Variants in GRM4 observed in about 807,000 individuals in gnomAD.
The protein encoded by GRM4 is metabotropic glutamate receptor 4.
A neutral mutation model predicts 81.7 loss-of-function variants in GRM4; 28 were observed. That is an observed-to-expected ratio of 0.34 (90% CI 0.25 to 0.47). The LOEUF (loss-of-function observed/expected upper bound fraction) is 0.47. Ranked by LOEUF, GRM4 falls within the 20% of genes least tolerant of loss-of-function variation. The probability of loss-of-function intolerance (pLI) is 1.00; values close to 1 mark genes in which losing one functional copy is unlikely to be tolerated. For missense variants in GRM4, 948 were observed against 1,290.0 expected, an observed-to-expected ratio of 0.73 and a Z score of 4.06; for synonymous variants, 488 against 528.8, an observed-to-expected ratio of 0.92 and a Z score of 1.06.
At chr6:34,146,567 G>T (rs1770937974), upstream of GRM4, among the ~76,000 whole-genome samples, 1 of 152,178 alleles carries the variant, frequency 6.6e-6, no homozygotes, top group Non-Finnish European at 1.5e-5. Context: ...GATTGCAAGA[G>T]CATCTCACCC....
intron 6 of GRM4, among the ~76,000 whole-genome samples, chr6:34,045,120 G>T (rs1333260584): frequency 6.6e-6 from 1 of 152,240 alleles, no homozygotes; most frequent in Non-Finnish European, 1.5e-5. Context: ...ACAGGACCTA[G>T]GTGACTCCCC....
chr6:34,132,006 C>T lies in GRM4; in HGVS notation c.519+972G>A, dbSNP rs140682420. Among the ~76,000 whole-genome samples the T allele has an allele frequency of 5.3e-3, 803 of 152,206 alleles. 10 individuals are homozygous for T. The highest frequency in any genetic ancestry group is 0.014 in the Middle Eastern group (4 of 294). On this transcript the variant is annotated intron_variant, in intron 2 of 10. Transcript: ENST00000538487. ...ACACACACACACAGAGCAAACAAGACAGGCTCCAAGAGAGAAACGGGCACA... is the reference window on the plus strand; with the variant it reads ...ACACACACACACAGAGCAAACAAGATAGGCTCCAAGAGAGAAACGGGCACA...
At chr6:34,117,544 T>C (rs562434316) in intron 2 of GRM4, among the ~76,000 whole-genome samples, 3 of 152,234 alleles carry the variant, frequency 2.0e-5, no homozygotes, top group African/African-American at 7.2e-5. Context: ...CTGAGTTGAA[T>C]TTCCGGGGTT....
intron 3 of GRM4, among the ~76,000 whole-genome samples, chr6:34,081,347 A>G: frequency 6.6e-6 from 1 of 152,344 alleles, no homozygotes; most frequent in South Asian, 2.1e-4. Context: ...CATGGCCTCA[A>G]AATGTGTGTA....
chr6:34,087,848 G>A (rs1271857119), intron 3 of GRM4, among the ~76,000 whole-genome samples: 5 of 40,330 alleles, frequency 1.2e-4, no homozygotes, highest in African/African-American at 4.9e-4. Flanking sequence ...ACACGTCCTG[G>A]CCTAGCTGCC....
chr6:34,056,799 GAGCACA>G, intron 5 of GRM4, 115 bp from the exon 6 acceptor site: 1 of 1,149,194 alleles, frequency 8.7e-7, no homozygotes, highest in Non-Finnish European at 1.2e-6. Context: ...AGACCAGGAG[GAGCACA>G]TCCTCTGATC....
At chr6:34,132,679 G>C (rs1428601548) in intron 2 of GRM4, among the ~76,000 whole-genome samples, 1 of 152,186 alleles carries the variant, frequency 6.6e-6, no homozygotes, top group East Asian at 1.9e-4. Flanking sequence ...CCAGAGAGGA[G>C]TGGAGTTGCT....
chr6:34,128,123 G>A (rs999886574), intron 2 of GRM4, among the ~76,000 whole-genome samples: 3 of 152,154 alleles, frequency 2.0e-5, no homozygotes, highest in Non-Finnish European at 4.4e-5. Context: ...TTGTCTGCTC[G>A]GTCTCAACAC....
upstream of GRM4, among the ~76,000 whole-genome samples, chr6:34,149,223 G>T (rs926814951): frequency 5.3e-5 from 8 of 151,184 alleles, no homozygotes; most frequent in African/African-American, 1.7e-4. Flanking sequence ...AATAAAGTGA[G>T]CCTGGAGGTG....
Position 34,031,383 on chromosome 6 carries a change from A to G in GRM4, c.2443-3017T>C, listed in dbSNP as rs1764409175. Among the ~76,000 whole-genome samples the G allele has an allele frequency of 2.0e-5, 3 of 152,212 alleles. No individual in the cohort carries two copies. In the South Asian group the frequency reaches 6.2e-4, roughly 32 times the overall value. ...AGCTTGTCTGAGCTGAGTTTGATAC[A>G]GGAGGACAGAGGACACCTGGGGTGA... On this transcript the variant is annotated intron_variant, in intron 9 of 10. Coordinates refer to ENST00000538487, the MANE Select transcript of GRM4 (RefSeq NM_000841.4).
intron 5 of GRM4, among the ~76,000 whole-genome samples, chr6:34,058,017 G>A (rs998149703): frequency 3.9e-5 from 6 of 152,320 alleles, no homozygotes; most frequent in East Asian, 1.9e-4. Context: ...GGGGATGGAT[G>A]AGCCAGGAAG....
intron 6 of GRM4, among the ~76,000 whole-genome samples, chr6:34,044,239 TACACACACAGAGAC>T (rs1765174692): frequency 7.6e-6 from 1 of 131,024 alleles, no homozygotes; most frequent in East Asian, 2.4e-4. Context: ...GACACACACA[TACACACACAGAGAC>T]ATACATACAT....
At chr6:34,094,332 T>C (rs1047766926) in intron 2 of GRM4, among the ~76,000 whole-genome samples, 1 of 152,230 alleles carries the variant, frequency 6.6e-6, no homozygotes, top group Non-Finnish European at 1.5e-5. Flanking sequence ...TCCACCCATT[T>C]GGAAAGCAAA....
intron 6 of GRM4, among the ~76,000 whole-genome samples, chr6:34,044,957 C>T (rs994081545): frequency 6.6e-6 from 1 of 151,874 alleles, no homozygotes; most frequent in South Asian, 2.1e-4. Flanking sequence ...CATACATACA[C>T]ATATATACAC....
exon 1 of GRM4, chr6:34,155,230 C>G: frequency 6.5e-7 from 1 of 1,535,486 alleles, no homozygotes; most frequent in Non-Finnish European, 8.7e-7. Context: ...CCACACACAC[C>G]GGCAAAATCC....
chr6:34,038,532 G>A (rs919866564), intron 8 of GRM4, among the ~76,000 whole-genome samples: 3 of 152,172 alleles, frequency 2.0e-5, no homozygotes, highest in Non-Finnish European at 4.4e-5. Flanking sequence ...ATGCGACGCC[G>A]CCACACCCTG....
Position 34,040,741 on chromosome 6 carries a change from C to T in GRM4, c.1176G>A (p.Glu392=). 6.2e-7 allele frequency: 1 copy of T among 1,613,242 alleles called. No homozygotes were observed. Among genetic ancestry groups the T allele is most frequent in the Non-Finnish European group, 8.5e-7 (1 of 1,179,414 alleles). Residue 392 remains glutamate (E), a synonymous_variant, in exon 7 of 11, where the codon GAG becomes GAA. Coordinates refer to ENST00000538487, the MANE Select transcript of GRM4 (RefSeq NM_000841.4). ...GSHVKKCTNR[E]RIGQDSAYEQ... is the part of the protein sequence containing the mutation. ...CATAAGCTGAATCCTGCCCAATTCG[C>T]TCACGGTCTGCAATGAAACACCAGG...
chr6:34,044,757 TACAC>T (rs1765264398), intron 6 of GRM4, among the ~76,000 whole-genome samples: 1 of 74,098 alleles, frequency 1.3e-5, no homozygotes, highest in South Asian at 4.2e-4. Context: ...TATATACACA[TACAC>T]ACACATAGAC....
chr6:34,038,991 C>T (rs35075443), intron 8 of GRM4, among the ~76,000 whole-genome samples: 1 of 152,038 alleles, frequency 6.6e-6, no homozygotes, highest in East Asian at 1.9e-4. Context: ...TAGCTGCTGC[C>T]GCTAGTGAGT....
Sources: allele counts gnomAD v4.1 joint callset (sites outside exome capture counted in the v4.1 genomes callset), GRCh38; gene constraint gnomAD v4.1.1; transcripts MANE v1.5; gene names NCBI Gene and HGNC (gene_info 2026-07-23, HGNC 2026-07-21).